Variants in DELE1 observed in about 807,000 individuals in gnomAD.
DELE1 encodes death ligand signal enhancer.
Under a neutral mutation model 59.3 loss-of-function variants are expected in DELE1, and 54 were observed. That is an observed-to-expected ratio of 0.91 (90% CI 0.73 to 1.14). The LOEUF is 1.14. Ranked by LOEUF, DELE1 falls within the 50% of genes most tolerant of loss-of-function variation. The probability of loss-of-function intolerance (pLI) is 0.00; values close to 1 mark genes in which losing one functional copy is unlikely to be tolerated. For missense variants in DELE1, 636 were observed against 643.9 expected (o/e 0.99, Z 0.13); for synonymous variants, 264 against 259.1 (o/e 1.02, Z -0.18).
intron 10 of DELE1, 23 bp downstream of exon 10, chr5:141,934,609 C>T (rs372063350): frequency 5.4e-5 from 87 of 1,603,466 alleles, no homozygotes; most frequent in Middle Eastern, 1.7e-4. Flanking sequence ...AGTGGACAAG[C>T]ATGTTGGGGA....
At chr5:141,930,569 T>G (rs1163722205) in intron 7 of DELE1, among the ~76,000 whole-genome samples, 1 of 152,220 alleles carries the variant, frequency 6.6e-6, no homozygotes, top group Admixed American at 6.5e-5. Context: ...ACTCCTTCCC[T>G]TTAATCTAGA....
chr5:141,936,035 A>T (rs1337078553), intron 10 of DELE1, among the ~76,000 whole-genome samples: 3 of 152,180 alleles, frequency 2.0e-5, no homozygotes, highest in Non-Finnish European at 4.4e-5. Flanking sequence ...CTCTTCCCAG[A>T]AGTTTGACTG....
chr5:141,924,914 C>T (rs1309535163), intron 2 of DELE1, among the ~76,000 whole-genome samples: 2 of 150,694 alleles, frequency 1.3e-5, no homozygotes, highest in African/African-American at 4.9e-5. Context: ...GTCACCACAC[C>T]CTGCTAATTT....
chr5:141,929,030 T>C (rs934341951), intron 4 of DELE1, among the ~76,000 whole-genome samples: 1 of 152,184 alleles, frequency 6.6e-6, no homozygotes, highest in African/African-American at 2.4e-5. Flanking sequence ...TCCCTGCCAC[T>C]GAAGAATTTA....
chr5:141,927,489 G>A (rs370953023), intron 3 of DELE1, among the ~76,000 whole-genome samples: 1 of 152,228 alleles, frequency 6.6e-6, no homozygotes, highest in South Asian at 2.1e-4. Flanking sequence ...CACTGCACCC[G>A]ACCCTGGGTC....
At chr5:141,929,783 T>C (rs372768684) in intron 5 of DELE1, 43 bp downstream of exon 5, 5 of 1,607,134 alleles carry the variant, frequency 3.1e-6, no homozygotes, top group South Asian at 2.2e-5. Context: ...CAGGGGGCGG[T>C]GGTGGTGAGC....
At position 141,941,017 on chromosome 5, in the gene DELE1, C is replaced by A; in HGVS notation, c.*2258C>A. On this transcript the variant is annotated 3_prime_UTR_variant, in exon 12 of 12. Coordinates refer to ENST00000432126, the MANE Select transcript of DELE1 (RefSeq NM_014773.5). Reference sequence around the variant, plus strand: ...TTGGTTAACCCAATGTTTTCTCTCACTGAATTGAGCCCAGAGCCCGTTTCC... The same window carrying A: ...TTGGTTAACCCAATGTTTTCTCTCAATGAATTGAGCCCAGAGCCCGTTTCC... 1 of 985,322 alleles carries A rather than the reference C, an allele frequency of 1.0e-6. No individual in the cohort carries two copies. The highest frequency in any genetic ancestry group is 1.2e-6 in the Non-Finnish European group (1 of 829,816). The allele number at this position is 985,322 out of a possible 1,614,324, so 61.0% of individuals were successfully genotyped here.
At chr5:141,932,072 G>C (rs1026710521) in intron 7 of DELE1, among the ~76,000 whole-genome samples, 2 of 152,178 alleles carry the variant, frequency 1.3e-5, no homozygotes, top group African/African-American at 4.8e-5. Context: ...AAACGGTTTA[G>C]TTTGTAGAAA....
At chr5:141,926,740 G>C (rs1751455650) in intron 3 of DELE1, among the ~76,000 whole-genome samples, 1 of 152,242 alleles carries the variant, frequency 6.6e-6, no homozygotes. Context: ...TGTGGACTAA[G>C]GCCATATCAT....
At chr5:141,933,135 TG>T in intron 7 of DELE1, 123 bp from the exon 8 acceptor site, 1 of 244,440 alleles carries the variant, frequency 4.1e-6, no homozygotes, top group Non-Finnish European at 8.1e-6. Context: ...TATATATATA[TG>T]TAAAGTGTCT....
chr5:141,924,991 G>A lies in DELE1; in HGVS notation c.146+296G>A, dbSNP rs146162037. 5.4e-3 allele frequency among the ~76,000 whole-genome samples: 820 copies of A among 151,398 alleles called. 8 individuals carry two copies. Among genetic ancestry groups the A allele is most frequent in the African/African-American group, 0.019 (774 of 41,254 alleles). On this transcript the variant is annotated intron_variant, in intron 2 of 11. Coordinates refer to ENST00000432126, the MANE Select transcript of DELE1 (RefSeq NM_014773.5). ...CGCCCAGGCTGGAGTGCAGTGGCGC[G>A]ATCTTGGCTCACTGAAACCTCCGCC...
In DELE1 at chr5:141,938,725, T is replaced by C. The variant is rs748458856; in HGVS notation, c.1514T>C (p.Leu505Pro). Residue 505 changes from leucine (L) to proline (P), a missense_variant, in exon 12 of 12, where the codon CTG becomes CCG. Coordinates refer to ENST00000432126, the MANE Select transcript of DELE1 (RefSeq NM_014773.5). ...SRAIPPHPYP[L>P]ERSVVRLGFG Reference sequence around the variant, plus strand: ...GCTATTCCCCCACACCCCTACCCACTGGAAAGGAGTGTTGTAAGACTAGGT... The same window carrying C: ...GCTATTCCCCCACACCCCTACCCACCGGAAAGGAGTGTTGTAAGACTAGGT... 8 of 1,613,814 alleles carry C rather than the reference T, an allele frequency of 5.0e-6. No individual in the cohort carries two copies. In the South Asian group the frequency reaches 8.8e-5, roughly 18 times the overall value.
At chr5:141,936,609 T>G (rs1314481537) in intron 10 of DELE1, among the ~76,000 whole-genome samples, 1 of 152,162 alleles carries the variant, frequency 6.6e-6, no homozygotes, top group Non-Finnish European at 1.5e-5. Flanking sequence ...TAATTTTTTT[T>G]GTATTTTTAG....
chr5:141,936,928 T>G, intron 10 of DELE1: 1 of 1,222,558 alleles, frequency 8.2e-7, no homozygotes, highest in Non-Finnish European at 1.0e-6. Context: ...TTGTGCATGC[T>G]TTCAGCCAGC....
In DELE1 at chr5:141,941,775, G is replaced by T; in HGVS notation, c.*3016G>T. On this transcript the variant is annotated 3_prime_UTR_variant, in exon 12 of 12. Transcript: ENST00000432126. ...TATCATTAGTGCTAATATAGTGTGG[G>T]GCACTCAGATGTTCAGTAAATATAC... 2 of 985,256 alleles carry T rather than the reference G, an allele frequency of 2.0e-6. No individual in the cohort carries two copies. Among genetic ancestry groups the T allele is most frequent in the Non-Finnish European group, 2.4e-6 (2 of 829,894 alleles). The allele number at this position is 985,256 out of a possible 1,614,324, so 61.0% of individuals were successfully genotyped here. A position where few individuals can be genotyped will look rare whatever the true frequency, so the allele number is the denominator to read the frequency against.
intron 11 of DELE1, 62 bp downstream of exon 11, chr5:141,937,419 A>T: frequency 6.4e-7 from 1 of 1,550,540 alleles, no homozygotes; most frequent in Non-Finnish European, 8.8e-7. Flanking sequence ...GTGACAGATA[A>T]GTAGGTAGCA....
rs1449903808 is a variant in DELE1 at position 141,937,349 on chromosome 5, G to A, written c.1301G>A (p.Gly434Glu). ...QERLRALFSM[G>E]AAAPGPSDLT... is the part of the protein sequence containing the mutation. ...AGGCTGCGAGCCCTCTTTTCCATGG[G>A]GGCTGCAGGTACAGACCCAAGTCCA... Residue 434 changes from glycine (G) to glutamate (E), a missense_variant, in exon 11 of 12, where the codon GGG becomes GAG. Transcript: ENST00000432126. The A allele has an allele frequency of 1.9e-6, 3 of 1,613,916 alleles. No homozygotes were observed. The East Asian group carries it at 6.7e-5, about 36-fold the overall frequency.
At position 141,929,696 on chromosome 5, in the gene DELE1, A is replaced by T. The variant is rs1335885864; in HGVS notation, c.527A>T (p.His176Leu). 6.2e-7 allele frequency: 1 copy of T among 1,614,176 alleles called. No homozygotes were observed. Among genetic ancestry groups the T allele is most frequent in the East Asian group, 2.2e-5 (1 of 44,880 alleles). Residue 176 changes from histidine to leucine, a missense_variant, in exon 5 of 12, where the codon CAC (histidine) becomes CTC (leucine). Coordinates refer to ENST00000432126, the MANE Select transcript of DELE1 (RefSeq NM_014773.5). ...EASAQPRNFSHNSLRGARPQD... is the reference protein window; with the variant it reads ...EASAQPRNFSLNSLRGARPQD... ...TCAGCTCAGCCCCGGAACTTCTCACACAACTCTTTGAGAGGAGCTCGTCCT... is the reference window on the plus strand; with the variant it reads ...TCAGCTCAGCCCCGGAACTTCTCACTCAACTCTTTGAGAGGAGCTCGTCCT...
At chr5:141,933,230 C>T in intron 7 of DELE1, 29 bp from the exon 8 acceptor site, 3 of 1,493,316 alleles carry the variant, frequency 2.0e-6, no homozygotes, top group Non-Finnish European at 2.7e-6. Context: ...ACTGAGGAAG[C>T]TGTGTTTGTG....
Sources: allele counts gnomAD v4.1 joint callset (sites outside exome capture counted in the v4.1 genomes callset), GRCh38; gene constraint gnomAD v4.1.1; transcripts MANE v1.5; gene names NCBI Gene and HGNC (gene_info 2026-07-23, HGNC 2026-07-21).